Variants in GRIP2 observed in about 807,000 individuals in gnomAD.
GRIP2 encodes the protein glutamate receptor-interacting protein 2.
GRIP2 carries 58 observed loss-of-function variants against 108.3 expected under a neutral mutation model. The observed-to-expected ratio is 0.54, with a 90% CI of 0.43 to 0.67. The LOEUF is 0.67. GRIP2 is among the 30% of genes least tolerant of loss of function. The pLI is 0.00. For missense variants in GRIP2, 1,278 were observed against 1,430.6 expected, an observed-to-expected ratio of 0.89 and a Z score of 1.72; for synonymous variants, 586 against 598.2, an observed-to-expected ratio of 0.98 and a Z score of 0.30.
chr3:14,585,674 C>T, the GRIP2 span, among the ~76,000 whole-genome samples: 2 of 152,216 alleles, frequency 1.3e-5, no homozygotes, highest in African/African-American at 4.8e-5. Context: ...CAAACCTCAG[C>T]CCCCCAGCTT....
At chr3:14,574,662 T>C in the GRIP2 span, 1 of 643,808 alleles carries the variant, frequency 1.6e-6, no homozygotes, top group Non-Finnish European at 2.9e-6. Flanking sequence ...GAAATTCGTG[T>C]TTTCCGCCAG....
intron 1 of GRIP2, among the ~76,000 whole-genome samples, chr3:14,548,320 T>A (rs1466570685): frequency 6.6e-6 from 1 of 151,342 alleles, no homozygotes; most frequent in Non-Finnish European, 1.5e-5. Context: ...ACCGGCCATG[T>A]GGATGACATT....
chr3:14,555,010 T>C (rs1038494380), intron 1 of GRIP2, among the ~76,000 whole-genome samples: 13 of 152,022 alleles, frequency 8.6e-5, no homozygotes, highest in African/African-American at 2.9e-4. Context: ...CCCCGTGCTG[T>C]AGATGGAGAC....
chr3:14,501,660 A>T (rs778707470), intron 21 of GRIP2, among the ~76,000 whole-genome samples: 2 of 152,272 alleles, frequency 1.3e-5, no homozygotes, highest in African/African-American at 2.4e-5. Context: ...TCATTAAAGC[A>T]GTAACAGTGG....
chr3:14,497,564 C>T (rs752495926), intron 21 of GRIP2, among the ~76,000 whole-genome samples: 3 of 152,158 alleles, frequency 2.0e-5, no homozygotes, highest in Admixed American at 1.3e-4. Flanking sequence ...AGTCCTGCGG[C>T]GCCCTCTAGA....
chr3:14,583,770 A>G, the GRIP2 span, among the ~76,000 whole-genome samples: 1 of 152,254 alleles, frequency 6.6e-6, no homozygotes, highest in East Asian at 1.9e-4. Flanking sequence ...TATTTTATTT[A>G]TGTGTCATGC....
At chr3:14,531,319 G>A (rs1251591673) in intron 1 of GRIP2, among the ~76,000 whole-genome samples, 2 of 152,118 alleles carry the variant, frequency 1.3e-5, no homozygotes, top group East Asian at 1.9e-4. Context: ...ACTCTCACTC[G>A]CTTCATTTCT....
At chr3:14,543,624 T>C (rs1476377299), upstream of GRIP2, among the ~76,000 whole-genome samples, 1 of 152,210 alleles carries the variant, frequency 6.6e-6, no homozygotes, top group South Asian at 2.1e-4. Flanking sequence ...GGGGAACAGA[T>C]TGCCTGGGCA....
chr3:14,548,083 G>A (rs552259956), intron 1 of GRIP2, among the ~76,000 whole-genome samples: 16 of 152,186 alleles, frequency 1.1e-4, no homozygotes, highest in Non-Finnish European at 2.1e-4. Flanking sequence ...GGCAGTGTCT[G>A]AGCCACGCCT....
the GRIP2 span, among the ~76,000 whole-genome samples, chr3:14,567,051 T>TGAAC: frequency 4.0e-5 from 6 of 151,644 alleles, no homozygotes; most frequent in Admixed American, 6.6e-5. Context: ...AATGAATGAA[T>TGAAC]GAACGTCAAC....
the GRIP2 span, among the ~76,000 whole-genome samples, chr3:14,565,261 C>T: frequency 1.2e-4 from 19 of 152,198 alleles, no homozygotes; most frequent in Non-Finnish European, 2.4e-4. Context: ...TTCTTGTCCC[C>T]TCTGGCAGGT....
At chr3:14,508,295 A>G (rs1175171881) in intron 17 of GRIP2, among the ~76,000 whole-genome samples, 1 of 152,216 alleles carries the variant, frequency 6.6e-6, no homozygotes, top group Non-Finnish European at 1.5e-5. Context: ...CTGGACACCC[A>G]TTACAATGAC....
chr3:14,553,342 C>T (rs768009521), intron 1 of GRIP2, among the ~76,000 whole-genome samples: 14 of 152,212 alleles, frequency 9.2e-5, no homozygotes, highest in Middle Eastern at 6.8e-3. Flanking sequence ...AACTCCTGAC[C>T]TCAAGTGATC....
chr3:14,519,198 G>C (rs900722427), intron 9 of GRIP2, among the ~76,000 whole-genome samples: 4 of 152,196 alleles, frequency 2.6e-5, no homozygotes, highest in African/African-American at 4.8e-5. Flanking sequence ...ATTCAGTGTG[G>C]CTTTTTCAGA....
chr3:14,541,001 G>A (rs1261814071), upstream of GRIP2, among the ~76,000 whole-genome samples: 1 of 152,238 alleles, frequency 6.6e-6, no homozygotes, highest in African/African-American at 2.4e-5. Flanking sequence ...TGGAGGATCT[G>A]CCCGCCTCTG....
the GRIP2 span, among the ~76,000 whole-genome samples, chr3:14,566,179 C>G: frequency 2.0e-5 from 3 of 152,082 alleles, no homozygotes; most frequent in Admixed American, 6.5e-5. Context: ...AACGAGCCAC[C>G]GTAGTGTGGG....
intron 1 of GRIP2, among the ~76,000 whole-genome samples, chr3:14,550,273 C>T (rs936962956): frequency 2.6e-4 from 40 of 152,210 alleles, no homozygotes; most frequent in African/African-American, 9.2e-4. Flanking sequence ...CAGGAATGCC[C>T]TCTTCCTAAT....
intron 2 of GRIP2, 64 bp downstream of exon 2, chr3:14,525,787 C>T: frequency 6.7e-7 from 1 of 1,485,280 alleles, no homozygotes; most frequent in Non-Finnish European, 9.2e-7. Flanking sequence ...TGCCATCTGA[C>T]CCCCACCTAG....
chr3:14,580,285 C>T, the GRIP2 span, among the ~76,000 whole-genome samples: 2 of 152,238 alleles, frequency 1.3e-5, no homozygotes, highest in Admixed American at 6.5e-5. Context: ...CTCTCCTGCC[C>T]TTCCCTGAGT....
Sources: gnomAD v4.1 joint callset for allele counts (sites outside exome capture counted in the v4.1 genomes callset) on GRCh38, gnomAD v4.1.1 for gene constraint, MANE v1.5 for transcripts, NCBI Gene and HGNC (gene_info 2026-07-23, HGNC 2026-07-21) for gene names.